ANK3: variants seen among roughly 807,000 people sequenced by gnomAD.
The protein encoded by ANK3 is ankyrin-3.
Under a neutral mutation model 370.9 loss-of-function variants are expected in ANK3, and 57 were observed. The ratio of observed to expected loss-of-function variants is 0.15; its 90% CI spans 0.12 to 0.19. The LOEUF is 0.19. Among genes scored for constraint, ANK3 ranks in the 10% least tolerant of loss-of-function variants. ANK3 has a pLI of 1.00. For missense variants in ANK3, 4,439 were observed against 5,302.1 expected (o/e 0.84, Z 5.06); for synonymous variants, 1,929 against 1,946.3 (o/e 0.99, Z 0.23).
intron 2 of ANK3, among the ~76,000 whole-genome samples, chr10:60,525,591 C>T (rs1300791636): frequency 6.6e-6 from 1 of 152,058 alleles, no homozygotes; most frequent in Non-Finnish European, 1.5e-5. Flanking sequence ...TGGGTTCTGT[C>T]CTATATGACT....
intron 2 of ANK3, among the ~76,000 whole-genome samples, chr10:60,403,976 T>TA (rs948740648): frequency 6.6e-6 from 1 of 152,100 alleles, no homozygotes; most frequent in African/African-American, 2.4e-5. Context: ...AAATCGAATT[T>TA]AAAAAAAGAA....
At chr10:60,041,728 A>G (rs770551013) in intron 43 of ANK3, among the ~76,000 whole-genome samples, 2 of 152,222 alleles carry the variant, frequency 1.3e-5, no homozygotes, top group African/African-American at 2.4e-5. Flanking sequence ...GAATAAACAA[A>G]TGATAAGGCT....
At chr10:60,322,672 T>TTTTAGGCA (rs1435505280) in intron 1 of ANK3, among the ~76,000 whole-genome samples, 5 of 152,142 alleles carry the variant, frequency 3.3e-5, no homozygotes, top group Non-Finnish European at 7.4e-5. Flanking sequence ...TCAGACTCTC[T>TTTTAGGCA]TTTAGGCATT....
intron 1 of ANK3, among the ~76,000 whole-genome samples, chr10:60,682,510 T>C (rs74155684): frequency 0.012 from 1,784 of 152,210 alleles, 34 homozygotes; most frequent in African/African-American, 0.04. Context: ...ATATTGGGTG[T>C]GTTAGGCCGC....
chr10:60,704,274 G>A (rs1027776740), intron 1 of ANK3, among the ~76,000 whole-genome samples: 4 of 152,112 alleles, frequency 2.6e-5, no homozygotes, highest in Non-Finnish European at 4.4e-5. Flanking sequence ...CAAGTACAGT[G>A]TTTTTTAATC....
In ANK3 at chr10:60,240,046, T is replaced by TATAC. The variant is rs1555184766; in HGVS notation, c.799-5261_799-5260insGTAT. Among the ~76,000 whole-genome samples the TATAC allele has an allele frequency of 8.0e-4, 96 of 119,308 alleles. 1 individual carries two copies. The highest frequency in any genetic ancestry group is 2.7e-3 in the African/African-American group (94 of 34,260). The allele number at this position is 119,308 out of a possible 152,430, so 78.3% of individuals were successfully genotyped here. On this transcript the variant is annotated intron_variant, in intron 7 of 43. Transcript: ENST00000280772. ...ATACACATATATATACACATATATA[T>TATAC]ACATATATACACATATATACATATA...
chr10:60,643,541 T>TATCTATCTATCTATCC (rs1462477501), intron 1 of ANK3, among the ~76,000 whole-genome samples: 10 of 143,862 alleles, frequency 7.0e-5, no homozygotes, highest in Middle Eastern at 6.8e-3. Flanking sequence ...TCTATCTATC[T>TATCTATCTATCTATCC]ATCCATCCAT....
intron 1 of ANK3, among the ~76,000 whole-genome samples, chr10:60,313,077 C>G (rs1262873668): frequency 6.6e-6 from 1 of 152,178 alleles, no homozygotes; most frequent in Admixed American, 6.5e-5. Context: ...TCCTCTTCAC[C>G]TTTGCTCCTT....
chr10:60,055,550 T>C lies in ANK3; in HGVS notation c.13065+108A>G, dbSNP rs1044004772. 17 of 1,371,700 alleles carry C rather than the reference T, an allele frequency of 1.2e-5. 1 individual carries two copies. The African/African-American group carries it at 2.3e-4, about 19-fold the overall frequency. The allele number at this position is 1,371,700 out of a possible 1,614,324, so 85.0% of individuals were successfully genotyped here. ...GCTACAATTTCACACATTTATAATTTAGAAATCGTAAAAAACCTTGGGCCC... is the reference window on the plus strand; with the variant it reads ...GCTACAATTTCACACATTTATAATTCAGAAATCGTAAAAAACCTTGGGCCC... On this transcript the variant is annotated intron_variant, in intron 42 of 43. Coordinates refer to ENST00000280772, the MANE Select transcript of ANK3 (RefSeq NM_020987.5).
chr10:60,202,909 A>C, intron 12 of ANK3, 93 bp downstream of exon 12: 1 of 850,074 alleles, frequency 1.2e-6, no homozygotes, highest in Non-Finnish European at 1.8e-6. Context: ...TCCAACTCTT[A>C]AAAAAATAAA....
intron 28 of ANK3, among the ~76,000 whole-genome samples, chr10:60,100,304 T>C (rs577271584): frequency 6.7e-6 from 1 of 149,350 alleles, no homozygotes; most frequent in East Asian, 2.0e-4. Context: ...TTTTATTCTC[T>C]CCTTGGGAAT....
At chr10:60,510,554 C>T (rs1267715881) in intron 2 of ANK3, among the ~76,000 whole-genome samples, 1 of 152,130 alleles carries the variant, frequency 6.6e-6, no homozygotes, top group South Asian at 2.1e-4. Context: ...CAGTAGCTCA[C>T]GCCTATAACA....
At chr10:60,595,203 C>T (rs1344274625) in intron 2 of ANK3, among the ~76,000 whole-genome samples, 1 of 152,058 alleles carries the variant, frequency 6.6e-6, no homozygotes, top group African/African-American at 2.4e-5. Flanking sequence ...CCAGGGAGAG[C>T]TAACTTATCA....
chr10:60,480,215 A>C (rs1035049591), intron 2 of ANK3, among the ~76,000 whole-genome samples: 16 of 152,314 alleles, frequency 1.1e-4, no homozygotes, highest in African/African-American at 3.8e-4. Flanking sequence ...TGATATGATG[A>C]GTTCAATTTG....
intron 30 of ANK3, 73 bp from the exon 31 acceptor site, chr10:60,085,326 T>C (rs1327828129): frequency 7.6e-6 from 9 of 1,178,112 alleles, no homozygotes; most frequent in Non-Finnish European, 1.1e-5. Flanking sequence ...TCAGATCCTG[T>C]TCTTCTTTCT....
At chr10:60,371,965 A>G (rs1037131057) in intron 1 of ANK3, among the ~76,000 whole-genome samples, 1 of 152,234 alleles carries the variant, frequency 6.6e-6, no homozygotes, top group African/African-American at 2.4e-5. Flanking sequence ...AATATTTAGA[A>G]TATAATTTCT....
intron 1 of ANK3, among the ~76,000 whole-genome samples, chr10:60,732,262 A>G (rs370280576): frequency 9.2e-5 from 14 of 152,230 alleles, no homozygotes; most frequent in East Asian, 5.8e-4. Flanking sequence ...TGTCTCCCCA[A>G]TCCCCCTTCC....
chr10:60,399,358 C>T (rs1297471005), intron 2 of ANK3, among the ~76,000 whole-genome samples: 3 of 152,132 alleles, frequency 2.0e-5, no homozygotes, highest in Non-Finnish European at 4.4e-5. Context: ...ATGTAAGATG[C>T]TTGTTCCCCT....
intron 24 of ANK3, among the ~76,000 whole-genome samples, chr10:60,136,795 T>C (rs550468182): frequency 3.4e-4 from 52 of 152,162 alleles, no homozygotes; most frequent in Non-Finnish European, 7.1e-4. Flanking sequence ...CCATCAAGTT[T>C]CACTCGGAAT....
Sources: gnomAD v4.1 joint callset for allele counts (sites outside exome capture counted in the v4.1 genomes callset) on GRCh38, gnomAD v4.1.1 for gene constraint, MANE v1.5 for transcripts, NCBI Gene and HGNC (gene_info 2026-07-23, HGNC 2026-07-21) for gene names.